PTPRT: variants seen among roughly 807,000 people sequenced by gnomAD.
PTPRT encodes receptor-type tyrosine-protein phosphatase T.
A neutral mutation model predicts 176.8 loss-of-function variants in PTPRT; 56 were observed. That is an observed-to-expected ratio of 0.32 (90% confidence interval 0.26 to 0.40). PTPRT has a LOEUF of 0.40. PTPRT is among the 10% of genes least tolerant of loss of function. PTPRT has a pLI of 1.00. For missense variants in PTPRT, 1,540 were observed against 1,908.2 expected (o/e 0.81, Z 3.60); for synonymous variants, 783 against 739.0 (o/e 1.06, Z -0.96).
At chr20:42,130,947 A>T (rs1410764274) in intron 18 of PTPRT, among the ~76,000 whole-genome samples, 3 of 152,190 alleles carry the variant, frequency 2.0e-5, no homozygotes, top group Non-Finnish European at 4.4e-5. Flanking sequence ...TATTATAAGG[A>T]TACCAGAATG....
At chr20:42,566,390 C>A (rs571910680) in intron 7 of PTPRT, among the ~76,000 whole-genome samples, 1 of 152,318 alleles carries the variant, frequency 6.6e-6, no homozygotes, top group Admixed American at 6.5e-5. Context: ...CTTGCCTTGG[C>A]CACCCAAAGT....
At chr20:43,108,553 GA>G (rs1431936215) in intron 1 of PTPRT, among the ~76,000 whole-genome samples, 1 of 152,134 alleles carries the variant, frequency 6.6e-6, no homozygotes, top group Non-Finnish European at 1.5e-5. Context: ...TGAAACATGT[GA>G]CTCGAGACAG....
rs2077600413 is a variant in PTPRT at position 42,805,915 on chromosome 20, C to T, written c.215-14449G>A. On this transcript the variant is annotated intron_variant, in intron 2 of 30. Coordinates refer to ENST00000373187, the MANE Select transcript of PTPRT (RefSeq NM_007050.6). The stretch of plus-strand genomic sequence containing the variant: ...AAAGAACAAGGATAGCATGTTTGTC[C>T]CTCATCTGTCAAATCCTCTTTTTGA... 4.6e-5 allele frequency among the ~76,000 whole-genome samples: 7 copies of T among 151,980 alleles called. No homozygotes were observed. In the South Asian group the frequency reaches 1.5e-3, roughly 32 times the overall value.
chr20:42,817,117 A>C (rs952537082), intron 2 of PTPRT, among the ~76,000 whole-genome samples: 1 of 152,252 alleles, frequency 6.6e-6, no homozygotes, highest in African/African-American at 2.4e-5. Flanking sequence ...AGAAGCTAGA[A>C]AGTGATTTAA....
chr20:42,569,971 A>C (rs1320629135), intron 7 of PTPRT, among the ~76,000 whole-genome samples: 1 of 152,202 alleles, frequency 6.6e-6, no homozygotes, highest in African/African-American at 2.4e-5. Flanking sequence ...GAAGACACTG[A>C]AGACCAGAAG....
At chr20:43,166,526 A>G (rs1022813846) in intron 1 of PTPRT, among the ~76,000 whole-genome samples, 2 of 152,020 alleles carry the variant, frequency 1.3e-5, no homozygotes, top group African/African-American at 4.8e-5. Flanking sequence ...CTTTCATTTT[A>G]TTTTCCTTTC....
At position 42,800,291 on chromosome 20, in the gene PTPRT, C is replaced by T. The variant is rs147632013; in HGVS notation, c.215-8825G>A. On this transcript the variant is annotated intron_variant, in intron 2 of 30. Coordinates refer to ENST00000373187, the MANE Select transcript of PTPRT (RefSeq NM_007050.6). ...CTAGGCTGCACACCACATGTGGGCACGTTGTGTTTGATGGCAAGGAGTGAT... is the reference window on the plus strand; with the variant it reads ...CTAGGCTGCACACCACATGTGGGCATGTTGTGTTTGATGGCAAGGAGTGAT... Among the ~76,000 whole-genome samples the T allele has an allele frequency of 3.3e-5, 5 of 152,220 alleles. No individual in the cohort carries two copies. The East Asian group carries it at 5.8e-4, about 18-fold the overall frequency.
rs534914797 is a variant in PTPRT, at chr20:42,544,821, C to A, written c.1154-72259G>T. Among the ~76,000 whole-genome samples, 3 of 152,252 alleles carry A rather than the reference C, an allele frequency of 2.0e-5. No individual in the cohort carries two copies. The South Asian group carries it at 6.2e-4, about 32-fold the overall frequency. Reference sequence around the variant, plus strand: ...TGGGTCTTCTTTTTTTATTTAAAAACATTTTTATTCTTAAGAGAGACAAGG... The same window carrying A: ...TGGGTCTTCTTTTTTTATTTAAAAAAATTTTTATTCTTAAGAGAGACAAGG... On this transcript the variant is annotated intron_variant, in intron 7 of 30. Coordinates refer to ENST00000373187, the MANE Select transcript of PTPRT (RefSeq NM_007050.6).
chr20:42,297,539 A>G (rs2145293250), intron 12 of PTPRT, among the ~76,000 whole-genome samples: 1 of 152,302 alleles, frequency 6.6e-6, no homozygotes, highest in South Asian at 2.1e-4. Flanking sequence ...GTGGACACTA[A>G]AATTTATAGG....
At position 43,189,775 on chromosome 20, in the gene PTPRT, G is replaced by T; in HGVS notation, c.-42C>A. On this transcript the variant is annotated 5_prime_UTR_variant, in exon 1 of 31. Coordinates refer to ENST00000373187, the MANE Select transcript of PTPRT (RefSeq NM_007050.6). This position sits in a 1 kb window ranked among gnomAD's most constrained non-coding sequence, Gnocchi z 5.0. Reference sequence around the variant, plus strand: ...AGCTCAGCCCCTTCCCGCGGGGGCCGGGGCCGGGACTGGGGCGGGCGCGGG... The same window carrying T: ...AGCTCAGCCCCTTCCCGCGGGGGCCTGGGCCGGGACTGGGGCGGGCGCGGG... 1 of 1,095,610 alleles carries T rather than the reference G, an allele frequency of 9.1e-7. No homozygotes were observed. The highest frequency in any genetic ancestry group is 1.1e-6 in the Non-Finnish European group (1 of 896,310). The allele number at this position is 1,095,610 out of a possible 1,614,324, so 67.9% of individuals were successfully genotyped here. A position where few individuals can be genotyped will look rare whatever the true frequency, so the allele number is the denominator to read the frequency against.
At chr20:42,211,451 A>G (rs2055625898) in intron 15 of PTPRT, among the ~76,000 whole-genome samples, 1 of 151,160 alleles carries the variant, frequency 6.6e-6, no homozygotes, top group African/African-American at 2.4e-5. Flanking sequence ...AATTTACAAG[A>G]AAAAAACAAA....
chr20:43,068,737 A>G (rs1223122252), intron 1 of PTPRT, among the ~76,000 whole-genome samples: 4 of 152,180 alleles, frequency 2.6e-5, no homozygotes, highest in East Asian at 3.9e-4. Flanking sequence ...GAAAATCCCA[A>G]TAACTACAGG....
rs180982995 is a variant in PTPRT at position 42,965,344 on chromosome 20, A to G, written c.89-79412T>C. On this transcript the variant is annotated intron_variant, in intron 1 of 30. Transcript: ENST00000373187. ...TGTTACCACTGAAGGCAGATATACA[A>G]TAAGATACTATTATACAGTGTTTCC... Among the ~76,000 whole-genome samples the G allele has an allele frequency of 3.3e-3, 499 of 152,356 alleles. 4 individuals are homozygous for G. Among genetic ancestry groups the G allele is most frequent in the African/African-American group, 0.011 (468 of 41,584 alleles).
At chr20:42,477,138 A>G (rs1337940065) in intron 7 of PTPRT, among the ~76,000 whole-genome samples, 1 of 152,074 alleles carries the variant, frequency 6.6e-6, no homozygotes, top group Non-Finnish European at 1.5e-5. Flanking sequence ...TGTCCAACAC[A>G]CACTTAGCAT....
At chr20:42,943,324 C>G (rs1980681924) in intron 1 of PTPRT, among the ~76,000 whole-genome samples, 1 of 152,210 alleles carries the variant, frequency 6.6e-6, no homozygotes, top group Non-Finnish European at 1.5e-5. Flanking sequence ...GACCCATCCG[C>G]TCTAAAGCCA....
rs150356900 is a variant in PTPRT, at chr20:42,243,725, G to T, written c.2312+4962C>A. ...CCATGGACTGACAGAGTAGAAGGTA[G>T]CAGCATGAGCTCTAGAGACACTGAG... On this transcript the variant is annotated intron_variant, in intron 14 of 30. Transcript: ENST00000373187. 1.7e-3 allele frequency among the ~76,000 whole-genome samples: 262 copies of T among 152,282 alleles called. 3 individuals are homozygous for T. The highest frequency in any genetic ancestry group is 0.014 in the Middle Eastern group (4 of 294).
chr20:42,490,318 CA>C (rs1185425330), intron 7 of PTPRT, among the ~76,000 whole-genome samples: 2 of 152,084 alleles, frequency 1.3e-5, no homozygotes, highest in African/African-American at 2.4e-5. Flanking sequence ...TAGATAAATT[CA>C]GGGGGGATTT....
chr20:42,508,943 A>G (rs1326247539), intron 7 of PTPRT, among the ~76,000 whole-genome samples: 1 of 142,988 alleles, frequency 7.0e-6, no homozygotes, highest in African/African-American at 2.5e-5. Context: ...ATTTATAAAT[A>G]TAATTTATAT....
chr20:42,838,893 T>C (rs138984588), intron 2 of PTPRT, among the ~76,000 whole-genome samples: 1 of 152,124 alleles, frequency 6.6e-6, no homozygotes, highest in Non-Finnish European at 1.5e-5. Context: ...GCCCCCTTTA[T>C]ATAGGAACCT....
Sources: gnomAD v4.1 joint callset for allele counts (sites outside exome capture counted in the v4.1 genomes callset) on GRCh38, gnomAD v4.1.1 for gene constraint, Gnocchi (gnomAD v3.1) non-coding constraint, MANE v1.5 for transcripts, NCBI Gene and HGNC (gene_info 2026-07-23, HGNC 2026-07-21) for gene names.